Variants in RIMS4 observed in about 807,000 individuals in gnomAD.
RIMS4 encodes the protein regulating synaptic membrane exocytosis 4.
In RIMS4, 9 loss-of-function variants were observed where a neutral mutation model predicts 29.0. That is an observed-to-expected ratio of 0.31 (90% CI 0.19 to 0.54). RIMS4 has a LOEUF of 0.54. Ranked by LOEUF, RIMS4 falls within the 20% of genes least tolerant of loss-of-function variation. The pLI is 0.94. For synonymous variants in RIMS4, 130 were observed against 152.9 expected, an observed-to-expected ratio of 0.85 and a Z score of 1.10; for missense variants, 193 against 365.7, an observed-to-expected ratio of 0.53 and a Z score of 3.85.
In RIMS4 at chr20:44,754,390, GTGGGAC is replaced by G. The variant is rs1411768094; in HGVS notation, c.*1738_*1743del. 6.3e-6 allele frequency: 1 copy of G among 157,662 alleles called. No homozygotes were observed. Among genetic ancestry groups the G allele is most frequent in the African/African-American group, 2.4e-5 (1 of 41,612 alleles). 9.8% of individuals were successfully genotyped at this position (157,662 alleles called of 1,614,324 possible). On this transcript the variant is annotated 3_prime_UTR_variant, in exon 6 of 6. Transcript: ENST00000372851. ...ATTTCCGGGTGGAAGGAGTTGCCTGGTGGGACTGGGACCGGGACCGGGACCAGGAAC... is the reference window on the plus strand; with the variant it reads ...ATTTCCGGGTGGAAGGAGTTGCCTGGTGGGACCGGGACCGGGACCAGGAAC...
intron 1 of RIMS4, among the ~76,000 whole-genome samples, chr20:44,789,667 T>A (rs1487204041): frequency 6.6e-6 from 1 of 152,216 alleles, no homozygotes; most frequent in Non-Finnish European, 1.5e-5. Context: ...GCAATCGTCG[T>A]ACGTCAGCCT....
chr20:44,804,929 C>G (rs956813921), intron 1 of RIMS4, among the ~76,000 whole-genome samples: 1 of 152,124 alleles, frequency 6.6e-6, no homozygotes, highest in Non-Finnish European at 1.5e-5. Flanking sequence ...GACCAGTGAT[C>G]TGTACAATGG....
At chr20:44,784,407 G>C (rs1038490157) in intron 1 of RIMS4, among the ~76,000 whole-genome samples, 1 of 152,210 alleles carries the variant, frequency 6.6e-6, no homozygotes, top group African/African-American at 2.4e-5. Flanking sequence ...AGCTAGCAAG[G>C]CTTAGTTAAG....
chr20:44,799,706 C>T (rs570698329), intron 1 of RIMS4, among the ~76,000 whole-genome samples: 15 of 152,172 alleles, frequency 9.9e-5, no homozygotes, highest in Admixed American at 7.9e-4. Flanking sequence ...CCTCAGGTGC[C>T]GCAGGGTCCA....
chr20:44,796,121 C>T (rs192467353), intron 1 of RIMS4, among the ~76,000 whole-genome samples: 83 of 151,188 alleles, frequency 5.5e-4, no homozygotes, highest in Admixed American at 4.7e-3. Context: ...ACTTGGCCAA[C>T]GCTACTCACA....
chr20:44,768,918 A>T (rs2066125135), intron 2 of RIMS4, among the ~76,000 whole-genome samples: 1 of 152,232 alleles, frequency 6.6e-6, no homozygotes, highest in Non-Finnish European at 1.5e-5. Flanking sequence ...AATAGCTAAC[A>T]ATTACAGAGC....
At chr20:44,794,468 A>T (rs749782102) in intron 1 of RIMS4, among the ~76,000 whole-genome samples, 7 of 152,226 alleles carry the variant, frequency 4.6e-5, no homozygotes, top group Non-Finnish European at 1.0e-4. Context: ...TTTTTTAAAG[A>T]CTTAGACATT....
intron 1 of RIMS4, among the ~76,000 whole-genome samples, chr20:44,793,219 G>A (rs1024633259): frequency 2.0e-5 from 3 of 152,120 alleles, no homozygotes; most frequent in Non-Finnish European, 2.9e-5. Context: ...AAGATTGTGC[G>A]GCCCAGGGCA....
At chr20:44,788,239 T>TA (rs965370709) in intron 1 of RIMS4, among the ~76,000 whole-genome samples, 5 of 151,774 alleles carry the variant, frequency 3.3e-5, no homozygotes, top group African/African-American at 9.7e-5. Flanking sequence ...ACTTAAACTT[T>TA]AAAAAAAAAT....
At chr20:44,778,105 A>G (rs2066168305) in intron 1 of RIMS4, among the ~76,000 whole-genome samples, 1 of 152,170 alleles carries the variant, frequency 6.6e-6, no homozygotes, top group South Asian at 2.1e-4. Flanking sequence ...CCATCTGAAA[A>G]TCAAGGGCTG....
intron 1 of RIMS4, among the ~76,000 whole-genome samples, chr20:44,791,661 T>C (rs1379741587): frequency 6.6e-6 from 1 of 152,232 alleles, no homozygotes. Context: ...GACTGGATCA[T>C]GGCTGGCTGA....
At chr20:44,785,750 CTTT>C (rs969567189) in intron 1 of RIMS4, among the ~76,000 whole-genome samples, 6 of 122,930 alleles carry the variant, frequency 4.9e-5, no homozygotes, top group Non-Finnish European at 3.6e-5. Flanking sequence ...CATAGGTTTT[CTTT>C]TTTTTTTTTT....
chr20:44,793,680 T>C (rs1025075055), intron 1 of RIMS4, among the ~76,000 whole-genome samples: 4 of 151,974 alleles, frequency 2.6e-5, no homozygotes, highest in Admixed American at 1.3e-4. Flanking sequence ...AGGTGGGTAA[T>C]AAGAGTGAAG....
At chr20:44,810,112 G>A (rs2066317462) in intron 1 of RIMS4, 63 bp downstream of exon 1, 2 of 1,028,302 alleles carry the variant, frequency 1.9e-6, no homozygotes, top group Non-Finnish European at 2.9e-6. Flanking sequence ...GGGTCGGGGA[G>A]GGGGCTACCG....
In RIMS4 at chr20:44,753,131, G is replaced by C. The variant is rs1437740640; in HGVS notation, c.*3003C>G. On this transcript the variant is annotated 3_prime_UTR_variant, in exon 6 of 6. Transcript: ENST00000372851. ...GCACCCTTGCTGAGGGGTCTTGTGTGAGTCACTTCCTGTTTCTGGGCCTCA... is the reference window on the plus strand; with the variant it reads ...GCACCCTTGCTGAGGGGTCTTGTGTCAGTCACTTCCTGTTTCTGGGCCTCA... The C allele has an allele frequency of 6.5e-6, 1 of 152,762 alleles. No homozygotes were observed. Among genetic ancestry groups the C allele is most frequent in the Non-Finnish European group, 1.5e-5 (1 of 68,120 alleles). The allele number at this position is 152,762 out of a possible 1,614,324, so 9.5% of individuals were successfully genotyped here.
chr20:44,770,115 C>T (rs1246623122), intron 2 of RIMS4, among the ~76,000 whole-genome samples: 1 of 152,158 alleles, frequency 6.6e-6, no homozygotes, highest in Non-Finnish European at 1.5e-5. Flanking sequence ...TTTTCTAAGC[C>T]TCAGTCTTCC....
chr20:44,796,832 G>A (rs866286462), intron 1 of RIMS4, among the ~76,000 whole-genome samples: 1 of 152,362 alleles, frequency 6.6e-6, no homozygotes, highest in Middle Eastern at 3.4e-3. Context: ...CTGTAAATAT[G>A]AAGTCAACTA....
intron 1 of RIMS4, among the ~76,000 whole-genome samples, chr20:44,806,206 G>A (rs774687484): frequency 3.3e-5 from 5 of 152,210 alleles, no homozygotes. Context: ...TCTCCCAGGC[G>A]GGAGGGGGAG....
At chr20:44,768,330 C>T (rs1470482757) in intron 2 of RIMS4, among the ~76,000 whole-genome samples, 6 of 152,344 alleles carry the variant, frequency 3.9e-5, no homozygotes, top group Non-Finnish European at 8.8e-5. Context: ...AATACATACG[C>T]CTGGTGATCC....
Sources: gnomAD v4.1 joint callset for allele counts (sites outside exome capture counted in the v4.1 genomes callset) on GRCh38, gnomAD v4.1.1 for gene constraint, MANE v1.5 for transcripts, NCBI Gene and HGNC (gene_info 2026-07-23, HGNC 2026-07-21) for gene names.